The following CLIP4 variants were observed in gnomAD, a reference collection of about 807,000 sequenced individuals.
The protein encoded by CLIP4 is CAP-Gly domain containing linker protein family member 4, also known as CAP-Gly domain-containing linker protein 4.
In CLIP4, 47 loss-of-function variants were observed where a neutral mutation model predicts 73.1. The ratio of observed to expected loss-of-function variants is 0.64; its 90% CI spans 0.51 to 0.82. The LOEUF (loss-of-function observed/expected upper bound fraction) is 0.82. CLIP4 is among the 40% of genes least tolerant of loss of function. The pLI is 0.00. For synonymous variants in CLIP4, 306 were observed against 295.4 expected (o/e 1.04, Z -0.37); for missense variants, 874 against 852.9 (o/e 1.02, Z -0.31).
At chr2:29,138,425 T>A (rs1310537529) in intron 6 of CLIP4, among the ~76,000 whole-genome samples, 2 of 152,114 alleles carry the variant, frequency 1.3e-5, no homozygotes, top group Non-Finnish European at 2.9e-5. Flanking sequence ...TAATTTTAAG[T>A]CAGGTAATGT....
chr2:29,152,449 C>G (rs935148388), intron 8 of CLIP4, among the ~76,000 whole-genome samples: 1 of 152,196 alleles, frequency 6.6e-6, no homozygotes, highest in Non-Finnish European at 1.5e-5. Flanking sequence ...TCCTGAATTT[C>G]ACTTAACACC....
chr2:29,119,838 A>G (rs146251177), intron 1 of CLIP4, among the ~76,000 whole-genome samples: 159 of 152,284 alleles, frequency 1.0e-3, no homozygotes, highest in African/African-American at 3.7e-3. Flanking sequence ...CCAACTGCAA[A>G]TGTTCCTGGT....
intron 6 of CLIP4, among the ~76,000 whole-genome samples, chr2:29,137,334 T>C (rs1248794928): frequency 6.6e-6 from 1 of 152,198 alleles, no homozygotes; most frequent in African/African-American, 2.4e-5. Flanking sequence ...TCTAGTTGCA[T>C]CCATGTTGTT....
At chr2:29,104,894 G>A (rs1231639164) in intron 1 of CLIP4, among the ~76,000 whole-genome samples, 1 of 152,212 alleles carries the variant, frequency 6.6e-6, no homozygotes, top group Non-Finnish European at 1.5e-5. Context: ...AGAAGTCAGG[G>A]TGCTAGGACG....
chr2:29,111,782 G>A (rs906549719), upstream of CLIP4, among the ~76,000 whole-genome samples: 2 of 152,162 alleles, frequency 1.3e-5, no homozygotes, highest in African/African-American at 4.8e-5. Flanking sequence ...ACCCTTAATT[G>A]TGATGCAGTC....
In CLIP4 at chr2:29,167,359, C is replaced by T. The variant is rs1320043475; in HGVS notation, c.1659-117C>T. On this transcript the variant is annotated intron_variant, in intron 13 of 15. Transcript: ENST00000320081. Reference sequence around the variant, plus strand: ...GTTCATTCCTGGCTTAAAATGGACCCTCCATAAATATTTGTCTGATGAATG... The same window carrying T: ...GTTCATTCCTGGCTTAAAATGGACCTTCCATAAATATTTGTCTGATGAATG... 4 of 553,240 alleles carry T rather than the reference C, an allele frequency of 7.2e-6. No homozygotes were observed. The South Asian group carries it at 1.2e-4, about 16-fold the overall frequency. The allele number at this position is 553,240 out of a possible 1,614,324, so 34.3% of individuals were successfully genotyped here.
At chr2:29,157,966 C>CT (rs1316141376) in intron 11 of CLIP4, among the ~76,000 whole-genome samples, 17 of 152,146 alleles carry the variant, frequency 1.1e-4, no homozygotes, top group Non-Finnish European at 2.1e-4. Flanking sequence ...TTACCAGATT[C>CT]TTTTTTTAGT....
At chr2:29,144,554 T>C (rs932192231) in intron 7 of CLIP4, among the ~76,000 whole-genome samples, 2 of 152,130 alleles carry the variant, frequency 1.3e-5, no homozygotes, top group African/African-American at 4.8e-5. Flanking sequence ...TATTTTATTA[T>C]ACTTTAAGTT....
chr2:29,179,989 TG>T (rs1668555295), intron 15 of CLIP4, among the ~76,000 whole-genome samples: 1 of 152,130 alleles, frequency 6.6e-6, no homozygotes, highest in Non-Finnish European at 1.5e-5. Context: ...TCTTATAGAG[TG>T]GTTAATAGGA....
intron 3 of CLIP4, 190 bp downstream of exon 3, chr2:29,131,587 T>G (rs1664972388): frequency 2.0e-6 from 1 of 504,094 alleles, no homozygotes; most frequent in East Asian, 3.7e-5. Context: ...TTCTTCATGC[T>G]CTGTACTTCT....
chr2:29,122,331 A>C (rs1222778596), intron 2 of CLIP4, among the ~76,000 whole-genome samples: 1 of 150,540 alleles, frequency 6.6e-6, no homozygotes, highest in Non-Finnish European at 1.5e-5. Flanking sequence ...TGATCTTGGG[A>C]GTTATCTGCA....
intron 1 of CLIP4, chr2:29,118,402 T>C (rs1664016908): frequency 6.6e-6 from 1 of 152,250 alleles, no homozygotes; most frequent in South Asian, 2.1e-4. Flanking sequence ...TGCTAACAGC[T>C]AACTTGGAGT....
At chr2:29,146,030 G>T (rs1666142643) in intron 8 of CLIP4, among the ~76,000 whole-genome samples, 1 of 152,194 alleles carries the variant, frequency 6.6e-6, no homozygotes. Flanking sequence ...AGGGTGTCTG[G>T]TAGTGACTGG....
intron 6 of CLIP4, among the ~76,000 whole-genome samples, chr2:29,137,009 A>G (rs1453226386): frequency 6.6e-6 from 1 of 151,690 alleles, no homozygotes; most frequent in Admixed American, 6.6e-5. Flanking sequence ...CCATACTTTG[A>G]TAGCCGCCAT....
At chr2:29,167,233 AT>A (rs1164852729) in intron 13 of CLIP4, among the ~76,000 whole-genome samples, 10 of 152,122 alleles carry the variant, frequency 6.6e-5, no homozygotes. Flanking sequence ...TCAGGTCCAT[AT>A]TTTAGGTGAA....
At chr2:29,171,604 C>A (rs1035214800) in intron 14 of CLIP4, among the ~76,000 whole-genome samples, 4 of 151,688 alleles carry the variant, frequency 2.6e-5, no homozygotes, top group African/African-American at 9.7e-5. Context: ...CTGCAAACTC[C>A]ATCTCCCGGG....
intron 1 of CLIP4, among the ~76,000 whole-genome samples, chr2:29,098,718 G>A (rs1426451368): frequency 6.6e-6 from 1 of 152,166 alleles, no homozygotes; most frequent in African/African-American, 2.4e-5. Flanking sequence ...TATCACTTGG[G>A]TAAATGCCTA....
At chr2:29,116,757 T>G (rs540454913) in intron 1 of CLIP4, among the ~76,000 whole-genome samples, 1 of 152,232 alleles carries the variant, frequency 6.6e-6, no homozygotes, top group East Asian at 1.9e-4. Flanking sequence ...GACTGTAAGA[T>G]TGAGTCTAGC....
At position 29,153,550 on chromosome 2, in the gene CLIP4, C is replaced by T. The variant is rs141945987; in HGVS notation, c.1165+722C>T. Among the ~76,000 whole-genome samples the T allele has an allele frequency of 3.2e-3, 482 of 152,166 alleles. 4 individuals carry two copies. Among genetic ancestry groups the T allele is most frequent in the Non-Finnish European group, 3.8e-3 (261 of 67,988 alleles). On this transcript the variant is annotated intron_variant, in intron 9 of 15. Coordinates refer to ENST00000320081, the MANE Select transcript of CLIP4 (RefSeq NM_024692.6). The stretch of plus-strand genomic sequence containing the variant: ...TATTTGTTATCTTGGGTTTTGTCCT[C>T]GGATTGCTTTATTTGTGCAAGTGTC...
Sources: gnomAD v4.1 joint callset for allele counts (sites outside exome capture counted in the v4.1 genomes callset) on GRCh38, gnomAD v4.1.1 for gene constraint, MANE v1.5 for transcripts, NCBI Gene and HGNC (gene_info 2026-07-23, HGNC 2026-07-21) for gene names.